NEIL3: variants seen among roughly 807,000 people sequenced by gnomAD.
NEIL3 encodes nei like DNA glycosylase 3.
A neutral mutation model predicts 57.5 loss-of-function variants in NEIL3; 48 were observed. That is an observed-to-expected ratio of 0.83 (90% CI 0.66 to 1.06). The LOEUF (loss-of-function observed/expected upper bound fraction) is 1.06. Among genes scored for constraint, NEIL3 ranks in the 50% least tolerant of loss-of-function variants. The pLI is 0.00. For synonymous variants in NEIL3, 261 were observed against 253.2 expected (o/e 1.03, Z -0.29); for missense variants, 717 against 739.1 (o/e 0.97, Z 0.35).
At chr4:177,332,893 T>C (rs1734908624) in intron 2 of NEIL3, among the ~76,000 whole-genome samples, 1 of 152,210 alleles carries the variant, frequency 6.6e-6, no homozygotes, top group Admixed American at 6.5e-5. Flanking sequence ...CCTGGTTGCG[T>C]TGCAATCTCA....
At chr4:177,367,842 T>C (rs993989542), downstream of NEIL3, among the ~76,000 whole-genome samples, 27 of 152,224 alleles carry the variant, frequency 1.8e-4, no homozygotes, top group Non-Finnish European at 2.9e-4. Context: ...CAACAGCCGC[T>C]GTGCTGAATA....
intron 8 of NEIL3, among the ~76,000 whole-genome samples, chr4:177,359,844 G>A (rs7696302): frequency 0.98 from 149,776 of 152,338 alleles, 73,669 homozygotes; most frequent in East Asian, 1. Flanking sequence ...GGGTATGAGG[G>A]CAACCTCCAA....
intron 8 of NEIL3, among the ~76,000 whole-genome samples, chr4:177,359,730 A>G (rs186931560): frequency 9.1e-4 from 139 of 152,368 alleles, no homozygotes; most frequent in African/African-American, 3.2e-3. Flanking sequence ...TAAAGGCATT[A>G]TTAAAATATG....
At chr4:177,334,192 T>G (rs1270209494) in intron 2 of NEIL3, among the ~76,000 whole-genome samples, 1 of 152,078 alleles carries the variant, frequency 6.6e-6, no homozygotes, top group Non-Finnish European at 1.5e-5. Flanking sequence ...AGATGTTTAC[T>G]GTGCCTCAAA....
intron 5 of NEIL3, 52 bp downstream of exon 5, chr4:177,339,909 T>C (rs1735058159): frequency 7.9e-7 from 1 of 1,259,222 alleles, no homozygotes; most frequent in Non-Finnish European, 1.2e-6. Flanking sequence ...AGTGGTTTCC[T>C]TTTGGAGTGC....
At chr4:177,312,627 C>T (rs1734498456) in intron 1 of NEIL3, among the ~76,000 whole-genome samples, 1 of 152,028 alleles carries the variant, frequency 6.6e-6, no homozygotes, top group Admixed American at 6.5e-5. Context: ...CATCACTTGG[C>T]AGCAATATTC....
At chr4:177,322,721 T>C (rs1444239819) in intron 2 of NEIL3, 141 bp downstream of exon 2, 2 of 905,326 alleles carry the variant, frequency 2.2e-6, no homozygotes, top group African/African-American at 3.3e-5. Context: ...GAGGTTGTGA[T>C]TCTATCATGG....
At chr4:177,345,711 A>G in intron 6 of NEIL3, among the ~76,000 whole-genome samples, 1 of 119,924 alleles carries the variant, frequency 8.3e-6, no homozygotes, top group African/African-American at 3.3e-5. Flanking sequence ...TTTTCTTGAG[A>G]CAGAGTCTCA....
In NEIL3 at chr4:177,310,077, C is replaced by T. The variant is rs1257115719; in HGVS notation, c.124C>T (p.Leu42Phe). Residue 42 changes from leucine (L) to phenylalanine (F), a missense_variant, in exon 1 of 10, where the codon CTC becomes TTC. Transcript: ENST00000264596. ...LRSLQGRALR[L>F]AASTVVVSPQ... Reference sequence around the variant, plus strand: ...GAGTCTGCAGGGCCGCGCCTTGCGGCTCGCAGCCTCCACGGTTGTGGTCTC... The same window carrying T: ...GAGTCTGCAGGGCCGCGCCTTGCGGTTCGCAGCCTCCACGGTTGTGGTCTC... The T allele has an allele frequency of 6.3e-7, 1 of 1,597,152 alleles. No individual in the cohort carries two copies. Among genetic ancestry groups the T allele is most frequent in the Non-Finnish European group, 8.5e-7 (1 of 1,173,242 alleles).
chr4:177,326,634 T>A (rs1174568996), intron 2 of NEIL3, among the ~76,000 whole-genome samples: 2 of 152,146 alleles, frequency 1.3e-5, no homozygotes, highest in Non-Finnish European at 2.9e-5. Flanking sequence ...GATCTATAGA[T>A]CAATTAGGTG....
Position 177,339,774 on chromosome 4 carries a change from C to T in NEIL3, c.628-9C>T, listed in dbSNP as rs369318304. The T allele has an allele frequency of 3.0e-5, 48 of 1,599,480 alleles. No individual in the cohort carries two copies. In the African/African-American group the frequency reaches 5.5e-4, roughly 18 times the overall value. ...TGAAACTAGGCTCTGCTGTTTTTTC[C>T]ACTTCAAGGTTTGTCAATTAACAGA... On this transcript the variant is annotated splice_polypyrimidine_tract_variant and intron_variant, in intron 4 of 9. Coordinates refer to ENST00000264596, the MANE Select transcript of NEIL3 (RefSeq NM_018248.3).
chr4:177,339,726 T>A (rs990028949), intron 4 of NEIL3, 57 bp from the exon 5 acceptor site: 6 of 1,151,126 alleles, frequency 5.2e-6, no homozygotes, highest in Non-Finnish European at 7.8e-6. Context: ...GGCGTATTAT[T>A]TCTTACAGTA....
intron 2 of NEIL3, 69 bp from the exon 3 acceptor site, chr4:177,335,619 T>C: frequency 7.0e-7 from 1 of 1,425,742 alleles, no homozygotes; most frequent in Non-Finnish European, 9.7e-7. Flanking sequence ...AAAAAAATGA[T>C]AGTACAGGAA....
chr4:177,351,446 C>A lies in NEIL3; in HGVS notation c.936C>A (p.Ser312=), dbSNP rs138744063. 4.8e-5 allele frequency: 78 copies of A among 1,613,652 alleles called. No individual in the cohort carries two copies. The highest frequency in any genetic ancestry group is 6.4e-5 in the Non-Finnish European group (75 of 1,179,798). The change falls in exon 7 of 10, where the codon TCC becomes TCA. Residue 312 remains serine, a synonymous_variant. Coordinates refer to ENST00000264596, the MANE Select transcript of NEIL3 (RefSeq NM_018248.3). ...TSSRVDHVMD[S]VARKSEEHWT... is the part of the protein sequence containing the mutation. The stretch of plus-strand genomic sequence containing the variant: ...GCAGGGTGGATCATGTTATGGACTC[C>A]GTGGCTCGGAAGTCGGAAGAGCACT...
chr4:177,319,007 C>G (rs533896965), intron 1 of NEIL3, among the ~76,000 whole-genome samples: 8 of 152,130 alleles, frequency 5.3e-5, no homozygotes, highest in Non-Finnish European at 1.0e-4. Flanking sequence ...ATGTCACGTG[C>G]CACTTTTGTT....
intron 6 of NEIL3, among the ~76,000 whole-genome samples, chr4:177,348,499 GT>G (rs1735272170): frequency 6.6e-6 from 1 of 152,104 alleles, no homozygotes; most frequent in African/African-American, 2.4e-5. Context: ...CAGGGCAATA[GT>G]TTCCCTGGGC....
chr4:177,346,700 T>C (rs1735227003), intron 6 of NEIL3, among the ~76,000 whole-genome samples: 1 of 152,128 alleles, frequency 6.6e-6, no homozygotes, highest in African/African-American at 2.4e-5. Context: ...CTTTAGGTTA[T>C]GTGTCAAACT....
chr4:177,348,108 G>A (rs1235521857), intron 6 of NEIL3, among the ~76,000 whole-genome samples: 3 of 152,168 alleles, frequency 2.0e-5, no homozygotes, highest in Non-Finnish European at 4.4e-5. Flanking sequence ...TAAGAGCAGT[G>A]CCTCTCAAAC....
chr4:177,349,073 G>C (rs1027560546), intron 6 of NEIL3, among the ~76,000 whole-genome samples: 1 of 141,086 alleles, frequency 7.1e-6, no homozygotes, highest in East Asian at 2.1e-4. Context: ...TAGTAGAGAC[G>C]GGGTTTCACC....
Sources: gnomAD v4.1 joint callset for allele counts (sites outside exome capture counted in the v4.1 genomes callset) on GRCh38, gnomAD v4.1.1 for gene constraint, MANE v1.5 for transcripts, NCBI Gene and HGNC (gene_info 2026-07-23, HGNC 2026-07-21) for gene names.